Variants in CHSY1 observed in about 807,000 individuals in gnomAD.
The protein encoded by CHSY1 is N-acetylgalactosaminyl-proteoglycan 3-beta-glucuronosyltransferase 1.
In CHSY1, 13 loss-of-function variants were observed where a neutral mutation model predicts 59.8. The ratio of observed to expected loss-of-function variants is 0.22; its 90% CI spans 0.14 to 0.35. The LOEUF (loss-of-function observed/expected upper bound fraction) is 0.35. CHSY1 is among the 10% of genes least tolerant of loss of function. The probability of loss-of-function intolerance (pLI) is 1.00; values close to 1 mark genes in which losing one functional copy is unlikely to be tolerated. For missense variants in CHSY1, 947 were observed against 1,030.6 expected (o/e 0.92, Z 1.11); for synonymous variants, 459 against 401.2 (o/e 1.14, Z -1.72).
intron 2 of CHSY1, among the ~76,000 whole-genome samples, chr15:101,200,324 C>T (rs1192010706): frequency 1.3e-5 from 2 of 152,198 alleles, no homozygotes; most frequent in African/African-American, 4.8e-5. Flanking sequence ...AGTCCTACTG[C>T]ATTTCACATG....
chr15:101,211,858 G>A (rs570978430), intron 2 of CHSY1, among the ~76,000 whole-genome samples: 2 of 149,444 alleles, frequency 1.3e-5, no homozygotes, highest in African/African-American at 4.9e-5. Context: ...AGAATAGTAA[G>A]ACGAACAAAC....
At chr15:101,233,017 G>C (rs112346883) in intron 2 of CHSY1, among the ~76,000 whole-genome samples, 1 of 152,160 alleles carries the variant, frequency 6.6e-6, no homozygotes, top group East Asian at 1.9e-4. Flanking sequence ...GGGACCACAC[G>C]GGGAGGAGGC....
At position 101,251,137 on chromosome 15, in the gene CHSY1, C is replaced by CT. The variant is rs772771832; in HGVS notation, c.319dup (p.Arg107LysfsTer17). On this transcript the variant is annotated frameshift_variant and splice_region_variant, in exon 1 of 3. Coordinates refer to ENST00000254190, the MANE Select transcript of CHSY1 (RefSeq NM_014918.5). LOFTEE classifies it high-confidence loss of function. ...CGGTGCCCGGGGAGCAGGGGCTCAC[C>CT]TGTAGGCGGCCACGGCCCGAGTCTG... 1 of 1,581,616 alleles carries CT rather than the reference C, an allele frequency of 6.3e-7. No homozygotes were observed. The highest frequency in any genetic ancestry group is 8.6e-7 in the Non-Finnish European group (1 of 1,168,428).
intron 2 of CHSY1, among the ~76,000 whole-genome samples, chr15:101,210,488 C>G (rs1257449140): frequency 6.6e-6 from 1 of 152,000 alleles, no homozygotes; most frequent in Non-Finnish European, 1.5e-5. Flanking sequence ...TTTAAAATTA[C>G]AAATAGTTTT....
intron 2 of CHSY1, among the ~76,000 whole-genome samples, chr15:101,209,850 C>T (rs373007574): frequency 7.2e-4 from 110 of 152,340 alleles, no homozygotes; most frequent in African/African-American, 2.6e-3. Context: ...AAGAAATCTA[C>T]TGGCATGTGA....
chr15:101,237,214 A>C (rs2038953291), intron 1 of CHSY1, among the ~76,000 whole-genome samples: 1 of 135,578 alleles, frequency 7.4e-6, no homozygotes, highest in African/African-American at 2.8e-5. Context: ...AAAGAGCAAG[A>C]CTCCATCTAA....
chr15:101,201,303 A>G (rs1183767350), intron 2 of CHSY1, among the ~76,000 whole-genome samples: 4 of 152,232 alleles, frequency 2.6e-5, no homozygotes, highest in Non-Finnish European at 5.9e-5. Context: ...GTGGTTAAAG[A>G]AGGAGTTGCC....
intron 2 of CHSY1, among the ~76,000 whole-genome samples, chr15:101,180,557 A>T (rs2038263457): frequency 6.6e-6 from 1 of 152,204 alleles, no homozygotes; most frequent in Admixed American, 6.5e-5. Context: ...CACAGGGCAC[A>T]CTTTATATGG....
At chr15:101,210,507 A>G (rs1326984948) in intron 2 of CHSY1, among the ~76,000 whole-genome samples, 1 of 152,216 alleles carries the variant, frequency 6.6e-6, no homozygotes, top group Non-Finnish European at 1.5e-5. Flanking sequence ...TTTTTTAGTC[A>G]AAGAAAACTA....
chr15:101,188,451 A>G (rs1359888636), intron 2 of CHSY1, among the ~76,000 whole-genome samples: 3 of 152,218 alleles, frequency 2.0e-5, no homozygotes, highest in African/African-American at 4.8e-5. Context: ...CTCAGGACGC[A>G]TGGTTATCCC....
intron 2 of CHSY1, among the ~76,000 whole-genome samples, chr15:101,202,579 G>A (rs1319003835): frequency 7.6e-4 from 89 of 116,828 alleles, no homozygotes; most frequent in East Asian, 2.5e-3. Context: ...GGCTGCAGGG[G>A]AGGATGGAGG....
intron 2 of CHSY1, among the ~76,000 whole-genome samples, chr15:101,197,561 AG>A (rs759609566): frequency 1.3e-5 from 2 of 152,352 alleles, no homozygotes; most frequent in South Asian, 4.1e-4. Context: ...AGACAAATTC[AG>A]GGCAAATATC....
At chr15:101,180,591 C>T (rs1315651475) in intron 2 of CHSY1, among the ~76,000 whole-genome samples, 1 of 152,182 alleles carries the variant, frequency 6.6e-6, no homozygotes. Flanking sequence ...CCTTCTGCTA[C>T]CTACTATCAA....
In CHSY1 at chr15:101,205,767, C is replaced by T. The variant is rs532474716; in HGVS notation, c.817-26787G>A. Among the ~76,000 whole-genome samples, 47 of 152,138 alleles carry T rather than the reference C, an allele frequency of 3.1e-4. No individual in the cohort carries two copies. In the East Asian group the frequency reaches 7.3e-3, roughly 24 times the overall value. ...GAGATCGAGACCATCCTGGATAAAACGGTGAAACCCCGTCTCTACTAAAAA... is the reference window on the plus strand; with the variant it reads ...GAGATCGAGACCATCCTGGATAAAATGGTGAAACCCCGTCTCTACTAAAAA... On this transcript the variant is annotated intron_variant, in intron 2 of 2. Transcript: ENST00000254190.
intron 1 of CHSY1, among the ~76,000 whole-genome samples, chr15:101,250,526 G>A (rs1254386456): frequency 6.6e-6 from 1 of 152,172 alleles, no homozygotes; most frequent in Non-Finnish European, 1.5e-5. Context: ...CCAGAATGCA[G>A]TTTTCCACTG....
chr15:101,220,856 G>A (rs765827243), intron 2 of CHSY1, among the ~76,000 whole-genome samples: 4 of 152,166 alleles, frequency 2.6e-5, no homozygotes, highest in African/African-American at 4.8e-5. Context: ...TGCTCAAAAC[G>A]TCCTTTCCCA....
intron 2 of CHSY1, among the ~76,000 whole-genome samples, chr15:101,217,194 G>C (rs1412774844): frequency 6.6e-6 from 1 of 152,212 alleles, no homozygotes; most frequent in East Asian, 1.9e-4. Context: ...GTAAAAGCCA[G>C]GTTTCTCACT....
rs2141275598 is a variant in CHSY1, at chr15:101,235,541, G to C, written c.357C>G (p.Phe119Leu). The change falls in exon 2 of 3, where the codon TTC becomes TTG. Residue 119 changes from phenylalanine (F) to leucine (L), a missense_variant. Physicochemically the swap from Phe to Leu is conservative, Grantham distance 22 (BLOSUM62 0). Around this residue, in one of 4 missense-constraint regions of CHSY1, gnomAD observed 232 missense variants for 188.5 expected, o/e 1.23. Coordinates refer to ENST00000254190, the MANE Select transcript of CHSY1 (RefSeq NM_014918.5). ...WSKTIPGKVQ[F>L]FSSEGSDTSV... ...ATGTGTCAGAACCCTCACTTGAGAA[G>C]AACTGAACTTTCCCAGGAATTGTCT... is the stretch of plus-strand genomic sequence containing the variant. 1 of 1,612,778 alleles carries C rather than the reference G, an allele frequency of 6.2e-7. No homozygotes were observed. Among genetic ancestry groups the C allele is most frequent in the East Asian group, 2.2e-5 (1 of 44,882 alleles).
intron 1 of CHSY1, among the ~76,000 whole-genome samples, chr15:101,246,369 TTA>T (rs1555437471): frequency 0.025 from 2,087 of 83,890 alleles, 20 homozygotes; most frequent in Non-Finnish European, 0.037. Context: ...TTTTTTTTTT[TTA>T]ATCAAAACGT....
Sources: gnomAD v4.1 joint callset for allele counts (sites outside exome capture counted in the v4.1 genomes callset) on GRCh38, gnomAD v4.1.1 for gene constraint, gnomAD v4.1.1 regional missense constraint, MANE v1.5 for transcripts, NCBI Gene and HGNC (gene_info 2026-07-23, HGNC 2026-07-21) for gene names.